Variants in ANXA4 observed in about 807,000 individuals in gnomAD.
The protein encoded by ANXA4 is annexin A4, also known as 35-beta calcimedin.
A neutral mutation model predicts 49.8 loss-of-function variants in ANXA4; 39 were observed. The observed-to-expected ratio is 0.78, with a 90% CI of 0.61 to 1.02. The LOEUF is 1.02. Ranked by LOEUF, ANXA4 falls within the 50% of genes least tolerant of loss-of-function variation. The pLI, the probability that ANXA4 is intolerant of heterozygous loss-of-function variation, is 0.00. For missense variants in ANXA4, 360 were observed against 410.1 expected, an observed-to-expected ratio of 0.88 and a Z score of 1.05; for synonymous variants, 134 against 152.5, an observed-to-expected ratio of 0.88 and a Z score of 0.89.
chr2:69,822,223 T>TG (rs978574075), intron 12 of ANXA4, among the ~76,000 whole-genome samples: 4 of 151,902 alleles, frequency 2.6e-5, no homozygotes, highest in African/African-American at 9.7e-5. Context: ...TAGCCGGGTG[T>TG]GGTGGTGCAC....
At chr2:69,696,325 T>A (rs1678158602) in intron 2 of ANXA4, among the ~76,000 whole-genome samples, 1 of 152,222 alleles carries the variant, frequency 6.6e-6, no homozygotes, top group South Asian at 2.1e-4. Flanking sequence ...CAGAAAGCAA[T>A]TTCTCATCTG....
At chr2:69,645,246 T>C (rs1399067615) in intron 1 of ANXA4, among the ~76,000 whole-genome samples, 1 of 152,258 alleles carries the variant, frequency 6.6e-6, no homozygotes, top group Non-Finnish European at 1.5e-5. Context: ...GCCATTGTAA[T>C]TAAACTCCGT....
chr2:69,773,227 A>G (rs1402658331), intron 1 of ANXA4, among the ~76,000 whole-genome samples: 2 of 152,184 alleles, frequency 1.3e-5, no homozygotes, highest in Non-Finnish European at 2.9e-5. Flanking sequence ...GACTCTCAGT[A>G]TTTCCAGAAG....
Position 69,826,004 on chromosome 2 carries a change from C to T in ANXA4, c.*489C>T, listed in dbSNP as rs1674455665. The T allele has an allele frequency of 6.6e-6, 1 of 152,368 alleles. No homozygotes were observed. Among genetic ancestry groups the T allele is most frequent in the African/African-American group, 2.4e-5 (1 of 41,454 alleles). The allele number at this position is 152,368 out of a possible 1,614,324, so 9.4% of individuals were successfully genotyped here. A position where few individuals can be genotyped will look rare whatever the true frequency, so the allele number is the denominator to read the frequency against. On this transcript the variant is annotated 3_prime_UTR_variant, in exon 13 of 13. Transcript: ENST00000394295. ...TATTTCATAGTCAAAGCCTTGAAAG[C>T]ATCTACAAATCTCTTTTTTTAGGTT... is the stretch of plus-strand genomic sequence containing the variant.
Position 69,649,428 on chromosome 2 carries a change from AT to A in ANXA4, n.482-3563del, listed in dbSNP as rs1057106584. On this transcript the variant is annotated intron_variant and non_coding_transcript_variant, in intron 1 of 3. Coordinates refer to the ANXA4 transcript ENST00000418066. The stretch of plus-strand genomic sequence containing the variant: ...AGATCACATTATATATTTATATTTT[AT>A]TTTTTTCATTCCATAGTTTCCTATT... Among the ~76,000 whole-genome samples the A allele has an allele frequency of 4.8e-3, 727 of 150,786 alleles. 6 individuals are homozygous for A. Among genetic ancestry groups the A allele is most frequent in the African/African-American group, 0.017 (688 of 41,014 alleles).
At chr2:69,683,311 C>T (rs1021637104) in intron 2 of ANXA4, among the ~76,000 whole-genome samples, 1 of 152,198 alleles carries the variant, frequency 6.6e-6, no homozygotes, top group African/African-American at 2.4e-5. Context: ...ATACAAACCT[C>T]TTCCTGCATC....
At chr2:69,655,421 G>C (rs1316242982) in intron 2 of ANXA4, among the ~76,000 whole-genome samples, 1 of 152,068 alleles carries the variant, frequency 6.6e-6, no homozygotes, top group African/African-American at 2.4e-5. Flanking sequence ...AAAAACATAT[G>C]AAAAAAAGCT....
chr2:69,714,621 T>C (rs2105413505), intron 2 of ANXA4, among the ~76,000 whole-genome samples: 1 of 152,280 alleles, frequency 6.6e-6, no homozygotes, highest in East Asian at 1.9e-4. Flanking sequence ...ACAGCTCCTA[T>C]ACATGGGAGA....
At chr2:69,660,422 C>G (rs193100065) in intron 2 of ANXA4, among the ~76,000 whole-genome samples, 20 of 151,934 alleles carry the variant, frequency 1.3e-4, no homozygotes, top group Admixed American at 9.9e-4. Context: ...AGAAAAACAG[C>G]GTAAAACACA....
chr2:69,751,186 A>G (rs1367577253), intron 1 of ANXA4, among the ~76,000 whole-genome samples: 1 of 136,624 alleles, frequency 7.3e-6, no homozygotes, highest in African/African-American at 2.7e-5. Context: ...ACTTGTCAGT[A>G]TGACTCTATA....
At chr2:69,797,634 C>T (rs1672999286) in intron 3 of ANXA4, among the ~76,000 whole-genome samples, 1 of 152,198 alleles carries the variant, frequency 6.6e-6, no homozygotes, top group South Asian at 2.1e-4. Flanking sequence ...GACATAAAAT[C>T]CCCTTTCTAT....
intron 12 of ANXA4, 57 bp from the exon 13 acceptor site, chr2:69,825,399 G>A: frequency 2.1e-6 from 3 of 1,459,434 alleles, no homozygotes; most frequent in Non-Finnish European, 2.8e-6. Context: ...AGATGACTTT[G>A]AACTGTGTGT....
chr2:69,655,505 G>T (rs144293469), intron 2 of ANXA4, among the ~76,000 whole-genome samples: 9 of 152,196 alleles, frequency 5.9e-5, no homozygotes, highest in African/African-American at 1.7e-4. Context: ...TTAGAATGGC[G>T]ATCATTAAAA....
intron 2 of ANXA4, among the ~76,000 whole-genome samples, chr2:69,699,154 G>A (rs1678254668): frequency 2.6e-5 from 4 of 152,100 alleles, no homozygotes. Flanking sequence ...GGGGTCTAGC[G>A]CTCATGTTCA....
chr2:69,784,532 C>T (rs1364193584), intron 2 of ANXA4, among the ~76,000 whole-genome samples: 9 of 152,232 alleles, frequency 5.9e-5, no homozygotes, highest in South Asian at 2.1e-4. Context: ...CACCAATTTG[C>T]GTATTACTAC....
chr2:69,694,149 A>G (rs1678075180), intron 2 of ANXA4, among the ~76,000 whole-genome samples: 1 of 152,138 alleles, frequency 6.6e-6, no homozygotes, highest in Non-Finnish European at 1.5e-5. Flanking sequence ...ATGCAGTAGT[A>G]TTAAGAAGTG....
At chr2:69,669,089 A>G (rs1054527070) in intron 2 of ANXA4, among the ~76,000 whole-genome samples, 3 of 151,692 alleles carry the variant, frequency 2.0e-5, no homozygotes, top group African/African-American at 7.3e-5. Flanking sequence ...GGTGTGTGCC[A>G]CCACGCCGGC....
chr2:69,746,910 A>T (rs946848829), intron 1 of ANXA4, among the ~76,000 whole-genome samples: 1 of 152,024 alleles, frequency 6.6e-6, no homozygotes, highest in South Asian at 2.1e-4. Flanking sequence ...AAGTGGGAGG[A>T]TCACTGGAGC....
At chr2:69,714,616 T>C (rs1678813320) in intron 2 of ANXA4, among the ~76,000 whole-genome samples, 1 of 152,158 alleles carries the variant, frequency 6.6e-6, no homozygotes, top group South Asian at 2.1e-4. Flanking sequence ...TCCCCACAGC[T>C]CCTATACATG....
Sources: gnomAD v4.1 joint callset for allele counts (sites outside exome capture counted in the v4.1 genomes callset) on GRCh38, gnomAD v4.1.1 for gene constraint, MANE v1.5 for transcripts, NCBI Gene and HGNC (gene_info 2026-07-23, HGNC 2026-07-21) for gene names.